The following JAKMIP3 variants were observed in gnomAD, a reference collection of about 807,000 sequenced individuals.
JAKMIP3 encodes janus kinase and microtubule-interacting protein 3.
In JAKMIP3, 58 loss-of-function variants were observed where a neutral mutation model predicts 118.5. The ratio of observed to expected loss-of-function variants is 0.49; its 90% CI spans 0.40 to 0.61. JAKMIP3 has a LOEUF of 0.61. Among genes scored for constraint, JAKMIP3 ranks in the 20% least tolerant of loss-of-function variants. The pLI, the probability that JAKMIP3 is intolerant of heterozygous loss-of-function variation, is 0.00. For synonymous variants in JAKMIP3, 486 were observed against 451.2 expected (o/e 1.08, Z -0.98); for missense variants, 950 against 1,109.0 (o/e 0.86, Z 2.04).
intron 2 of JAKMIP3, among the ~76,000 whole-genome samples, chr10:132,105,901 G>A (rs533003815): frequency 6.6e-5 from 10 of 152,278 alleles, no homozygotes; most frequent in East Asian, 1.9e-4. Flanking sequence ...ATGGTCTGGC[G>A]GTGGAGGGGA....
At chr10:132,082,176 GGGGGCTGAATTTTTTTTTGC>G (rs1252302927) in intron 1 of JAKMIP3, among the ~76,000 whole-genome samples, 6 of 149,422 alleles carry the variant, frequency 4.0e-5, no homozygotes, top group South Asian at 2.2e-4. Context: ...GTTTGGGGGG[GGGGGCTGAATTTTTTTTTGC>G]TTCCCTTTTA....
At chr10:132,164,768 TAAGATC>T (rs2136621756) in intron 21 of JAKMIP3, 33 bp downstream of exon 21, 2 of 1,492,878 alleles carry the variant, frequency 1.3e-6, no homozygotes, top group East Asian at 4.5e-5. Flanking sequence ...GGTTGCTTGT[TAAGATC>T]AAGGGAGAGG....
Position 132,166,964 on chromosome 10 carries a change from C to T in JAKMIP3, c.2491-19C>T, listed in dbSNP as rs764818492. On this transcript the variant is annotated intron_variant, in intron 21 of 23. Transcript: ENST00000684848. ...TCTTTCTTTCCTTCCGTTTCTCCAT[C>T]CTCCCCTTTCCGTTTCAGTTTCTAT... The T allele has an allele frequency of 1.2e-5, 18 of 1,504,238 alleles. No homozygotes were observed. Among genetic ancestry groups the T allele is most frequent in the Non-Finnish European group, 1.4e-5 (16 of 1,104,542 alleles). The allele number at this position is 1,504,238 out of a possible 1,614,324, so 93.2% of individuals were successfully genotyped here.
upstream of JAKMIP3, among the ~76,000 whole-genome samples, chr10:132,065,258 A>G (rs982230760): frequency 5.3e-5 from 8 of 151,822 alleles, no homozygotes; most frequent in Admixed American, 1.3e-4. This position sits in a 1 kb window ranked among gnomAD's most constrained non-coding sequence, Gnocchi z 5.6. Context: ...CCGGACGGTG[A>G]TTATGGACTG....
At chr10:132,059,233 A>T (rs1289522539) in intron 1 of JAKMIP3, among the ~76,000 whole-genome samples, 1 of 152,150 alleles carries the variant, frequency 6.6e-6, no homozygotes. Context: ...TGCCGTCCCC[A>T]CCTGCTGCTG....
intron 4 of JAKMIP3, among the ~76,000 whole-genome samples, chr10:132,134,822 C>T (rs1016733082): frequency 8.5e-5 from 13 of 152,236 alleles, no homozygotes; most frequent in Admixed American, 2.6e-4. Context: ...GGTAGGGTCT[C>T]GCTCTGCCCG....
At chr10:132,170,547 G>T (rs1590028882) in intron 23 of JAKMIP3, among the ~76,000 whole-genome samples, 1 of 152,174 alleles carries the variant, frequency 6.6e-6, no homozygotes, top group Non-Finnish European at 1.5e-5. Context: ...GCTGCCCTCG[G>T]TGACATCTGG....
At chr10:132,153,073 TCCTGC>T in intron 17 of JAKMIP3, 50 bp downstream of exon 17, 1 of 1,445,872 alleles carries the variant, frequency 6.9e-7, no homozygotes. Context: ...TCCTGGGGTC[TCCTGC>T]CCTGCTCAGC....
intron 19 of JAKMIP3, among the ~76,000 whole-genome samples, chr10:132,162,752 A>C (rs903341519): frequency 2.9e-5 from 2 of 69,378 alleles, no homozygotes; most frequent in African/African-American, 6.5e-5. Context: ...ATTCATGAAA[A>C]GGTGTGTATT....
upstream of JAKMIP3, among the ~76,000 whole-genome samples, chr10:132,060,479 G>A (rs558867818): frequency 6.6e-6 from 1 of 152,166 alleles, no homozygotes; most frequent in Non-Finnish European, 1.5e-5. Context: ...TCGGAATACA[G>A]ATGAAGGCTT....
At chr10:132,122,471 G>A (rs1339591077) in intron 3 of JAKMIP3, among the ~76,000 whole-genome samples, 1 of 152,292 alleles carries the variant, frequency 6.6e-6, no homozygotes, top group Non-Finnish European at 1.5e-5. Context: ...GATGGGGAGA[G>A]ACTGGAGGGG....
chr10:132,165,674 C>G (rs1408159569), intron 21 of JAKMIP3, among the ~76,000 whole-genome samples: 1 of 152,194 alleles, frequency 6.6e-6, no homozygotes, highest in Non-Finnish European at 1.5e-5. Context: ...CAGGAGAGAC[C>G]GGGTCCCTCT....
At chr10:132,069,657 C>A (rs865923780) in intron 1 of JAKMIP3, among the ~76,000 whole-genome samples, 1 of 152,106 alleles carries the variant, frequency 6.6e-6, no homozygotes, top group Non-Finnish European at 1.5e-5. Flanking sequence ...CATTAAAGAG[C>A]GCAATTGGCA....
rs11146137 is a variant in JAKMIP3, at chr10:132,059,087, C to T, written c.-138+22349C>T. Among the ~76,000 whole-genome samples the T allele has an allele frequency of 0.012, 1,765 of 152,342 alleles. 150 individuals carry two copies. The East Asian group carries it at 0.23, about 20-fold the overall frequency. ...AACAGCTGTTCGCGCGGACGACAAACGCGACCCAGGATGCTGTCTCCTGTG... is the reference window on the plus strand; with the variant it reads ...AACAGCTGTTCGCGCGGACGACAAATGCGACCCAGGATGCTGTCTCCTGTG... On this transcript the variant is annotated intron_variant, in intron 1 of 23. Transcript: ENST00000657785.
chr10:132,128,944 C>T (rs1018437694), intron 3 of JAKMIP3, among the ~76,000 whole-genome samples: 1 of 152,196 alleles, frequency 6.6e-6, no homozygotes, highest in African/African-American at 2.4e-5. Flanking sequence ...TTCTTGTTGG[C>T]TAACTCTAGT....
intron 3 of JAKMIP3, among the ~76,000 whole-genome samples, chr10:132,126,231 A>G (rs2049511345): frequency 6.6e-6 from 1 of 151,590 alleles, no homozygotes; most frequent in South Asian, 2.1e-4. Flanking sequence ...TATTCATTTC[A>G]CCGACTGTGA....
Position 132,118,322 on chromosome 10 carries a change from A to G in JAKMIP3, c.633+748A>G, listed in dbSNP as rs1237528404. On this transcript the variant is annotated intron_variant, in intron 3 of 23. Transcript: ENST00000684848. The surrounding 1 kb of genome is among the most constrained non-coding windows in gnomAD (Gnocchi z 4.8). ...CGAGAATGTCCAGGGATTGCAAGGG[A>G]CTGATTCCACCCGATGCCCCTTGTC... is the stretch of plus-strand genomic sequence containing the variant. 6.6e-6 allele frequency among the ~76,000 whole-genome samples: 1 copy of G among 152,208 alleles called. No homozygotes were observed. The highest frequency in any genetic ancestry group is 1.5e-5 in the Non-Finnish European group (1 of 68,040).
intron 9 of JAKMIP3, among the ~76,000 whole-genome samples, chr10:132,138,590 T>C (rs2052426749): frequency 6.6e-6 from 1 of 152,346 alleles, no homozygotes; most frequent in Admixed American, 6.5e-5. Flanking sequence ...ATGACCAAAA[T>C]AGGACCCAAA....
intron 1 of JAKMIP3, among the ~76,000 whole-genome samples, chr10:132,077,863 G>A (rs903926133): frequency 3.9e-5 from 6 of 152,180 alleles, no homozygotes; most frequent in African/African-American, 1.4e-4. Flanking sequence ...CCAGGCTGGA[G>A]CGCAATGGCA....
Sources: allele counts gnomAD v4.1 joint callset (sites outside exome capture counted in the v4.1 genomes callset), GRCh38; gene constraint gnomAD v4.1.1; non-coding constraint Gnocchi (gnomAD v3.1); transcripts MANE v1.5; gene names NCBI Gene and HGNC (gene_info 2026-07-23, HGNC 2026-07-21).